Variants in SLC52A3 observed in about 807,000 individuals in gnomAD.
SLC52A3 encodes the protein solute carrier family 52 member 3.
Under a neutral mutation model 29.5 loss-of-function variants are expected in SLC52A3, and 20 were observed. That is an observed-to-expected ratio of 0.68 (90% CI 0.48 to 0.99). SLC52A3 has a LOEUF of 0.99. Ranked by LOEUF, SLC52A3 falls within the 50% of genes least tolerant of loss-of-function variation. The probability of loss-of-function intolerance (pLI) is 0.00; values close to 1 mark genes in which losing one functional copy is unlikely to be tolerated. For missense variants in SLC52A3, 548 were observed against 612.9 expected (o/e 0.89, Z 1.12); for synonymous variants, 301 against 271.0 (o/e 1.11, Z -1.09).
intron 1 of SLC52A3, among the ~76,000 whole-genome samples, chr20:775,407 G>T (rs1331075282): frequency 6.6e-6 from 1 of 151,978 alleles, no homozygotes; most frequent in East Asian, 1.9e-4. Context: ...CTGAGTAGCT[G>T]GGACTATTAA....
upstream of SLC52A3, among the ~76,000 whole-genome samples, chr20:770,827 A>AAC (rs1290848925): frequency 2.0e-5 from 3 of 152,222 alleles, no homozygotes; most frequent in Admixed American, 6.5e-5. The surrounding 1 kb of genome is among the most constrained non-coding windows in gnomAD (Gnocchi z 4.5). Flanking sequence ...ACAAGTGGGT[A>AAC]TTCCTTCTGG....
chr20:768,170 A>C (rs1468393258), intron 1 of SLC52A3, 127 bp downstream of exon 1: 1 of 152,186 alleles, frequency 6.6e-6, no homozygotes, highest in Non-Finnish European at 1.5e-5. Flanking sequence ...AGGGTTACTG[A>C]TCATTATCGT....
At chr20:771,417 A>T (rs1986837325), upstream of SLC52A3, among the ~76,000 whole-genome samples, 1 of 144,916 alleles carries the variant, frequency 6.9e-6, no homozygotes, top group South Asian at 2.2e-4. Flanking sequence ...ACAAAGCAAG[A>T]CTCTTGTCTC....
upstream of SLC52A3, among the ~76,000 whole-genome samples, chr20:769,973 CCTT>C (rs1270847313): frequency 1.3e-5 from 2 of 152,148 alleles, no homozygotes; most frequent in African/African-American, 4.8e-5. Context: ...CATTTCCCAG[CCTT>C]CTTTGTAGCT....
At chr20:761,293 C>A (rs1343443531) in intron 4 of SLC52A3, 55 bp from the exon 5 acceptor site, 3 of 1,495,858 alleles carry the variant, frequency 2.0e-6, no homozygotes, top group Admixed American at 4.1e-5. Flanking sequence ...GGGCGAGCGC[C>A]GGAGCAAAGA....
At position 765,260 on chromosome 20, in the gene SLC52A3, A is replaced by G. The variant is rs774371416; in HGVS notation, c.515T>C (p.Ile172Thr). 6.2e-7 allele frequency: 1 copy of G among 1,614,146 alleles called. No individual in the cohort carries two copies. Among genetic ancestry groups the G allele is most frequent in the Non-Finnish European group, 8.5e-7 (1 of 1,180,034 alleles). The change falls in exon 2 of 5, where the codon ATA (isoleucine) becomes ACA (threonine). Residue 172 changes from isoleucine (I) to threonine (T), a missense_variant. Ile to Thr is a moderately conservative substitution (Grantham distance 89, BLOSUM62 -1). This residue lies in a region of SLC52A3 where 375 missense variants were observed against 471.1 expected (regional missense o/e 0.80). Coordinates refer to ENST00000645534, the MANE Select transcript of SLC52A3 (RefSeq NM_033409.4). This position sits in a 1 kb window ranked among gnomAD's most constrained non-coding sequence, Gnocchi z 6.6. The part of the protein sequence containing the change: ...GLTTCVNVTE[I>T]SDSVPSPVPT... ...TACAGGGCTTGGTACGCTGTCTGAT[A>G]TCTCAGTGACATTGACGCAGGTAGT...
intron 3 of SLC52A3, 108 bp from the exon 4 acceptor site, chr20:761,932 C>T (rs1986504509): frequency 6.5e-7 from 1 of 1,541,464 alleles, no homozygotes; most frequent in African/African-American, 1.4e-5. Flanking sequence ...TAGTTTAGAC[C>T]CATGTGGAAA....
upstream of SLC52A3, among the ~76,000 whole-genome samples, chr20:770,654 G>T (rs1391618493): frequency 1.3e-5 from 2 of 152,186 alleles, no homozygotes; most frequent in Non-Finnish European, 2.9e-5. The surrounding 1 kb of genome is among the most constrained non-coding windows in gnomAD (Gnocchi z 4.5). Flanking sequence ...CAGCGATCGA[G>T]AATTACTTTG....
chr20:778,034 G>C (rs1987116536), upstream of SLC52A3, among the ~76,000 whole-genome samples: 1 of 134,380 alleles, frequency 7.4e-6, no homozygotes, highest in Admixed American at 7.6e-5. Flanking sequence ...TTTTTTTTAA[G>C]ATACAATTTC....
At chr20:770,810 T>C (rs549032119), upstream of SLC52A3, among the ~76,000 whole-genome samples, 7 of 152,184 alleles carry the variant, frequency 4.6e-5, no homozygotes, top group Non-Finnish European at 7.3e-5. The surrounding 1 kb of genome is among the most constrained non-coding windows in gnomAD (Gnocchi z 4.5). Flanking sequence ...GGGTAAACAC[T>C]GCAGTCACAA....
upstream of SLC52A3, among the ~76,000 whole-genome samples, chr20:776,416 CAG>C (rs1479932719): frequency 6.6e-6 from 1 of 152,226 alleles, no homozygotes; most frequent in African/African-American, 2.4e-5. Context: ...TGAGCTGACT[CAG>C]TGTCAGGCAT....
intron 3 of SLC52A3, among the ~76,000 whole-genome samples, chr20:762,516 C>T (rs1231460924): frequency 2.0e-5 from 3 of 152,190 alleles, no homozygotes; most frequent in Non-Finnish European, 4.4e-5. Flanking sequence ...CTCTAGAACC[C>T]CAAGACTGGT....
upstream of SLC52A3, among the ~76,000 whole-genome samples, chr20:769,540 G>A (rs919038964): frequency 2.6e-5 from 4 of 152,216 alleles, no homozygotes; most frequent in African/African-American, 9.7e-5. Context: ...CACATAGTGA[G>A]GGCTCAATGA....
rs200665228 is a variant in SLC52A3 at position 761,171 on chromosome 20, C to T, written c.1265G>A (p.Arg422His). Residue 422 changes from arginine to histidine, a missense_variant, in exon 5 of 5, where the codon CGC becomes CAC. Transcript: ENST00000645534. ...YVKVMLGVVLRDLSRSALLWC... is the reference protein window; with the variant it reads ...YVKVMLGVVLHDLSRSALLWC... ...CAAGAGGGCGCTGCGGCTGAGGTCG[C>T]GCAGGACCACGCCCAGCATCACCTT... 1.3e-5 allele frequency: 20 copies of T among 1,573,390 alleles called. No individual in the cohort carries two copies. The highest frequency in any genetic ancestry group is 1.4e-5 in the Non-Finnish European group (16 of 1,161,194).
At position 765,110 on chromosome 20, in the gene SLC52A3, G is replaced by T; in HGVS notation, c.567+98C>A. On this transcript the variant is annotated intron_variant, in intron 2 of 4. Coordinates refer to ENST00000645534, the MANE Select transcript of SLC52A3 (RefSeq NM_033409.4). This position sits in a 1 kb window ranked among gnomAD's most constrained non-coding sequence, Gnocchi z 6.6. ...CTTATGTCAGTTTAACTCATAGGCCGACCAAAGAACCTAGAAGGATGGAGG... is the reference window on the plus strand; with the variant it reads ...CTTATGTCAGTTTAACTCATAGGCCTACCAAAGAACCTAGAAGGATGGAGG... 2 of 1,398,294 alleles carry T rather than the reference G, an allele frequency of 1.4e-6. No homozygotes were observed. Among genetic ancestry groups the T allele is most frequent in the Non-Finnish European group, 1.0e-6 (1 of 995,522 alleles). The allele number at this position is 1,398,294 out of a possible 1,614,324, so 86.6% of individuals were successfully genotyped here.
chr20:774,474 A>G (rs933189023), intron 1 of SLC52A3, among the ~76,000 whole-genome samples: 2 of 152,096 alleles, frequency 1.3e-5, no homozygotes, highest in African/African-American at 4.8e-5. Flanking sequence ...AAACCACAAA[A>G]CCCACAGGGA....
chr20:763,357 A>C, intron 3 of SLC52A3, 141 bp downstream of exon 3: 1 of 1,075,876 alleles, frequency 9.3e-7, no homozygotes, highest in Non-Finnish European at 1.4e-6. Flanking sequence ...GACAGGTGGC[A>C]GAGCTGGGAT....
chr20:774,331 T>C (rs1379793538), intron 1 of SLC52A3, among the ~76,000 whole-genome samples: 1 of 152,200 alleles, frequency 6.6e-6, no homozygotes, highest in Admixed American at 6.5e-5. Context: ...GAGCCAATTC[T>C]TTCCTGGGTT....
upstream of SLC52A3, among the ~76,000 whole-genome samples, chr20:777,217 T>C (rs59900283): frequency 8.0e-3 from 1,193 of 149,576 alleles, 17 homozygotes; most frequent in African/African-American, 0.028. Flanking sequence ...GCCTGGACAA[T>C]AGAGCAAGAC....
Sources: gnomAD v4.1 joint callset for allele counts (sites outside exome capture counted in the v4.1 genomes callset) on GRCh38, gnomAD v4.1.1 for gene constraint, gnomAD v4.1.1 regional missense constraint, Gnocchi (gnomAD v3.1) non-coding constraint, MANE v1.5 for transcripts, NCBI Gene and HGNC (gene_info 2026-07-23, HGNC 2026-07-21) for gene names.